Variants in SLC25A31 observed in about 807,000 individuals in gnomAD.
SLC25A31 encodes the protein solute carrier family 25 member 31.
Under a neutral mutation model 36.2 loss-of-function variants are expected in SLC25A31, and 40 were observed. That is an observed-to-expected ratio of 1.10 (90% CI 0.86 to 1.44). The LOEUF is 1.44. Among genes scored for constraint, SLC25A31 ranks in the 40% most tolerant of loss-of-function variants. The probability of loss-of-function intolerance (pLI) is 0.00; values close to 1 mark genes in which losing one functional copy is unlikely to be tolerated. For missense variants in SLC25A31, 350 were observed against 397.1 expected (o/e 0.88, Z 1.01); for synonymous variants, 143 against 149.7 (o/e 0.96, Z 0.32).
At chr4:127,754,926 A>G (rs1055546019) in intron 2 of SLC25A31, among the ~76,000 whole-genome samples, 1 of 152,234 alleles carries the variant, frequency 6.6e-6, no homozygotes, top group East Asian at 1.9e-4. Context: ...TAATCAAAAC[A>G]GCGTGAAAAT....
chr4:127,734,711 G>A (rs1560630032), intron 1 of SLC25A31, among the ~76,000 whole-genome samples: 1 of 151,978 alleles, frequency 6.6e-6, no homozygotes, highest in African/African-American at 2.4e-5. Flanking sequence ...GAACAGTGAG[G>A]TTTTTTAATA....
intron 1 of SLC25A31, among the ~76,000 whole-genome samples, chr4:127,738,025 T>C (rs1731666386): frequency 6.6e-6 from 1 of 152,132 alleles, no homozygotes; most frequent in Non-Finnish European, 1.5e-5. Flanking sequence ...ATGTGTAAAA[T>C]AGCCTTCAAA....
At chr4:127,763,577 T>A (rs1434230077) in intron 2 of SLC25A31, among the ~76,000 whole-genome samples, 1 of 152,186 alleles carries the variant, frequency 6.6e-6, no homozygotes, top group Non-Finnish European at 1.5e-5. Context: ...CAAAAGTAAT[T>A]ATACTTCTTC....
chr4:127,762,616 C>T (rs574361036), intron 2 of SLC25A31, among the ~76,000 whole-genome samples: 2 of 152,044 alleles, frequency 1.3e-5, no homozygotes, highest in South Asian at 4.2e-4. Context: ...ATAATGCTGG[C>T]CTCAAGAAAT....
At chr4:127,754,439 T>C (rs1026137025) in intron 2 of SLC25A31, among the ~76,000 whole-genome samples, 2 of 151,442 alleles carry the variant, frequency 1.3e-5, no homozygotes, top group African/African-American at 4.9e-5. Flanking sequence ...TTCAGTAAAG[T>C]CACAGGATAC....
intron 5 of SLC25A31, among the ~76,000 whole-genome samples, chr4:127,770,595 A>G (rs924497100): frequency 6.6e-6 from 1 of 152,002 alleles, no homozygotes; most frequent in Non-Finnish European, 1.5e-5. Flanking sequence ...ACTGCACTCC[A>G]GGCTGGGCAA....
chr4:127,753,571 T>C (rs1467295584), intron 2 of SLC25A31, among the ~76,000 whole-genome samples: 1 of 152,148 alleles, frequency 6.6e-6, no homozygotes, highest in Non-Finnish European at 1.5e-5. Flanking sequence ...CAAGTAATTA[T>C]GTAGCCTGGA....
chr4:127,770,949 C>CTTTTTTTTTTTTTTTTT (rs558206857), intron 5 of SLC25A31, among the ~76,000 whole-genome samples: 2 of 80,826 alleles, frequency 2.5e-5, no homozygotes, highest in African/African-American at 1.1e-4. Context: ...TCTTCTTCTT[C>CTTTTTTTTTTTTTTTTT]TTTTTTTTTT....
intron 2 of SLC25A31, among the ~76,000 whole-genome samples, chr4:127,753,434 AC>A (rs1731973204): frequency 6.6e-6 from 1 of 152,156 alleles, no homozygotes; most frequent in Non-Finnish European, 1.5e-5. Context: ...CTTGGCTAGG[AC>A]TAAAAATAAG....
intron 2 of SLC25A31, 97 bp from the exon 3 acceptor site, chr4:127,764,146 C>A: frequency 1.0e-6 from 1 of 973,968 alleles, no homozygotes; most frequent in Non-Finnish European, 1.5e-6. Flanking sequence ...GCTTATAAAT[C>A]TGGTGTTTTA....
At chr4:127,735,545 A>T (rs1439987631) in intron 1 of SLC25A31, among the ~76,000 whole-genome samples, 3 of 152,132 alleles carry the variant, frequency 2.0e-5, no homozygotes, top group Non-Finnish European at 2.9e-5. Flanking sequence ...TGTAAGCTCC[A>T]TAAGATCAGG....
At position 127,767,791 on chromosome 4, in the gene SLC25A31, A is replaced by G. The variant is rs553416214; in HGVS notation, c.633+571A>G. 2.6e-5 allele frequency among the ~76,000 whole-genome samples: 4 copies of G among 152,238 alleles called. No homozygotes were observed. In the East Asian group the frequency reaches 7.7e-4, roughly 29 times the overall value. On this transcript the variant is annotated intron_variant, in intron 4 of 5. Coordinates refer to ENST00000281154, the MANE Select transcript of SLC25A31 (RefSeq NM_031291.4). ...ATTGTAACAATGGCTACCAATTTTTAGCTATTACCTAGTTCTAGGAAACTT... is the reference window on the plus strand; with the variant it reads ...ATTGTAACAATGGCTACCAATTTTTGGCTATTACCTAGTTCTAGGAAACTT...
intron 2 of SLC25A31, among the ~76,000 whole-genome samples, chr4:127,748,549 A>T (rs1009576373): frequency 6.6e-6 from 1 of 152,134 alleles, no homozygotes; most frequent in South Asian, 2.1e-4. Context: ...CATCAATGAA[A>T]CGTGCAGGCC....
chr4:127,757,058 A>G (rs1380029882), intron 2 of SLC25A31, among the ~76,000 whole-genome samples: 1 of 152,248 alleles, frequency 6.6e-6, no homozygotes, highest in East Asian at 1.9e-4. Context: ...AAATCTGGAA[A>G]CAACTCAGAT....
chr4:127,771,731 T>G (rs1392815579), intron 5 of SLC25A31, among the ~76,000 whole-genome samples: 2 of 152,182 alleles, frequency 1.3e-5, no homozygotes, highest in Non-Finnish European at 2.9e-5. Flanking sequence ...ATATTAACTG[T>G]GGGGGTTTTT....
intron 1 of SLC25A31, among the ~76,000 whole-genome samples, chr4:127,737,382 A>G (rs1206072349): frequency 6.6e-6 from 1 of 152,142 alleles, no homozygotes; most frequent in African/African-American, 2.4e-5. Flanking sequence ...TATTCGTGCA[A>G]ATACAATTTT....
chr4:127,738,706 T>TG (rs1476677638), intron 1 of SLC25A31, among the ~76,000 whole-genome samples: 1 of 152,218 alleles, frequency 6.6e-6, no homozygotes, highest in African/African-American at 2.4e-5. Flanking sequence ...GGTGGGGTGT[T>TG]GAAGTCCCCC....
At chr4:127,730,870 C>T in intron 1 of SLC25A31, 93 bp downstream of exon 1, 1 of 1,182,258 alleles carries the variant, frequency 8.5e-7, no homozygotes, top group East Asian at 2.6e-5. Context: ...GATTGTGGGC[C>T]CCACAACCAC....
chr4:127,745,305 TA>T (rs1731804670), intron 2 of SLC25A31, among the ~76,000 whole-genome samples: 2 of 77,996 alleles, frequency 2.6e-5, no homozygotes, highest in African/African-American at 5.9e-5. Context: ...ATTGCAAGGA[TA>T]CTTTTTTTTT....
Sources: gnomAD v4.1 joint callset for allele counts (sites outside exome capture counted in the v4.1 genomes callset) on GRCh38, gnomAD v4.1.1 for gene constraint, MANE v1.5 for transcripts, NCBI Gene and HGNC (gene_info 2026-07-23, HGNC 2026-07-21) for gene names.